The following CEP170B variants were observed in gnomAD, a reference collection of about 807,000 sequenced individuals.
The protein encoded by CEP170B is centrosomal protein 170B.
CEP170B carries 55 observed loss-of-function variants against 120.6 expected under a neutral mutation model. That is an observed-to-expected ratio of 0.46 (90% CI 0.37 to 0.57). The LOEUF (loss-of-function observed/expected upper bound fraction) is 0.57, where lower values mean the gene tolerates loss of function less well. Among genes scored for constraint, CEP170B ranks in the 20% least tolerant of loss-of-function variants. The pLI, the probability that CEP170B is intolerant of heterozygous loss-of-function variation, is 0.00. For synonymous variants in CEP170B, 1,033 were observed against 954.5 expected, an observed-to-expected ratio of 1.08 and a Z score of -1.52; for missense variants, 2,212 against 2,253.3, an observed-to-expected ratio of 0.98 and a Z score of 0.37.
In CEP170B at chr14:104,895,023, C is replaced by A. The variant is rs560292692; in HGVS notation, c.*65C>A. On this transcript the variant is annotated 3_prime_UTR_variant, in exon 19 of 19. Transcript: ENST00000414716. The stretch of plus-strand genomic sequence containing the variant: ...GTCTCTGCCTTCCGTCCGCCGCACA[C>A]CCGCCTGCCTGGCCGCAGGTGGTTC... 10 of 1,449,588 alleles carry A rather than the reference C, an allele frequency of 6.9e-6. No individual in the cohort carries two copies. In the South Asian group the frequency reaches 1.3e-4, roughly 19 times the overall value. The allele number at this position is 1,449,588 out of a possible 1,614,324, so 89.8% of individuals were successfully genotyped here.
At chr14:104,866,995 GC>G (rs1257962691) in intron 1 of CEP170B, among the ~76,000 whole-genome samples, 1 of 152,188 alleles carries the variant, frequency 6.6e-6, no homozygotes, top group Non-Finnish European at 1.5e-5. Flanking sequence ...GAGCTCTGGG[GC>G]CGGCCTCACA....
In CEP170B at chr14:104,876,331, G is replaced by A. The variant is rs979506263; in HGVS notation, c.181G>A (p.Gly61Ser). ...DRDEHWVKDL[G>S]SLNGTFVNDM... ...GGACGAGCACTGGGTGAAGGACCTG[G>A]GCAGCCTCAATGGGGTAAGTGTGAG... Residue 61 changes from glycine to serine, a missense_variant, in exon 3 of 19, where the codon GGC (glycine) becomes AGC (serine). Coordinates refer to ENST00000414716, the MANE Select transcript of CEP170B (RefSeq NM_001112726.3). 6.4e-7 allele frequency: 1 copy of A among 1,550,854 alleles called. No individual in the cohort carries two copies. Among genetic ancestry groups the A allele is most frequent in the Non-Finnish European group, 8.7e-7 (1 of 1,146,814 alleles).
In CEP170B at chr14:104,894,766, G is replaced by T. The variant is rs1374151072; in HGVS notation, c.4473G>T (p.Arg1491Ser). 1.2e-6 allele frequency: 2 copies of T among 1,602,972 alleles called. No individual in the cohort carries two copies. Among genetic ancestry groups the T allele is most frequent in the African/African-American group, 2.7e-5 (2 of 74,806 alleles). ...GCCTGGACCTGCTCACAGGAAACAG[G>T]AGCTTGGCCAGCTCTGCACAGCCGG... ...SGSLDLLTGNRSLASSAQPGL... is the reference protein window; with the variant it reads ...SGSLDLLTGNSSLASSAQPGL... Residue 1491 changes from arginine (R) to serine (S), a missense_variant, in exon 19 of 19, where the codon AGG becomes AGT. Arg to Ser is a moderately radical substitution (Grantham distance 110). Coordinates refer to ENST00000414716, the MANE Select transcript of CEP170B (RefSeq NM_001112726.3).
At chr14:104,873,390 G>A (rs1024565423) in intron 2 of CEP170B, among the ~76,000 whole-genome samples, 6 of 152,058 alleles carry the variant, frequency 3.9e-5, no homozygotes, top group Non-Finnish European at 8.8e-5. Flanking sequence ...CCCAGAGCTG[G>A]CAGAGTCATC....
rs568048526 is a variant in CEP170B at position 104,885,533 on chromosome 14, G to A, written c.1935G>A (p.Ala645=). ...GGCCACTGGGTGCGGCCCCCCAGGC[G>A]GAGCACCAGGTACAGGCACAGACGG... ...ASRPLGAAPQ[A]EHQGLPVPGS... is the part of the protein sequence containing the mutation. Residue 645 remains alanine (A), a synonymous_variant, in exon 10 of 19, where the codon GCG becomes GCA. Transcript: ENST00000414716. 301 of 1,562,384 alleles carry A rather than the reference G, an allele frequency of 1.9e-4. 1 individual carries two copies. The highest frequency in any genetic ancestry group is 2.3e-4 in the Non-Finnish European group (272 of 1,158,522).
rs1351214130 is a variant in CEP170B, at chr14:104,865,801, C to T, written c.-28+288C>T. Among the ~76,000 whole-genome samples, 2 of 152,136 alleles carry T rather than the reference C, an allele frequency of 1.3e-5. No individual in the cohort carries two copies. Among genetic ancestry groups the T allele is most frequent in the African/African-American group, 4.8e-5 (2 of 41,462 alleles). On this transcript the variant is annotated intron_variant, in intron 1 of 18. Transcript: ENST00000414716. This position sits in a 1 kb window ranked among gnomAD's most constrained non-coding sequence, Gnocchi z 6.7. ...GGCACCGGCTCGGCCATGGCCGCCCCCGGAGAGCGCTGATTCAGAAGGCGC... is the reference window on the plus strand; with the variant it reads ...GGCACCGGCTCGGCCATGGCCGCCCTCGGAGAGCGCTGATTCAGAAGGCGC...
chr14:104,886,529 G>A lies in CEP170B; in HGVS notation c.2290G>A (p.Glu764Lys). The change falls in exon 12 of 19, where the codon GAG becomes AAG. Residue 764 changes from glutamate (E) to lysine (K), a missense_variant. Glu to Lys is a moderately conservative substitution (Grantham distance 56). Transcript: ENST00000414716. Reference sequence around the variant, plus strand: ...GGGCCGAGGCCCCGAGCCAGGGGTGGAGCCACAGGACAGCAGACGCAGGAG... The same window carrying A: ...GGGCCGAGGCCCCGAGCCAGGGGTGAAGCCACAGGACAGCAGACGCAGGAG... ...DGGRGPEPGVEPQDSRRRSPQ... is the reference protein window; with the variant it reads ...DGGRGPEPGVKPQDSRRRSPQ... The A allele has an allele frequency of 1.3e-6, 2 of 1,515,814 alleles. No individual in the cohort carries two copies. Among genetic ancestry groups the A allele is most frequent in the East Asian group, 2.3e-5 (1 of 43,002 alleles). The allele number at this position is 1,515,814 out of a possible 1,614,324, so 93.9% of individuals were successfully genotyped here.
chr14:104,892,861 G>T, intron 13 of CEP170B, 115 bp from the exon 14 acceptor site: 1 of 1,173,838 alleles, frequency 8.5e-7, no homozygotes, highest in Non-Finnish European at 1.2e-6. Flanking sequence ...CCTCCCCCAG[G>T]CCCCACCTCT....
Position 104,868,294 on chromosome 14 carries a change from C to T in CEP170B, c.-27-130C>T. On this transcript the variant is annotated intron_variant, in intron 1 of 18. Transcript: ENST00000414716. The surrounding 1 kb of genome is among the most constrained non-coding windows in gnomAD (Gnocchi z 5.9). Reference sequence around the variant, plus strand: ...AGGGAGGGCGGGTGGCCTGATGAGGCTGGAGCCCAGCTTCTCCGGAAGCTG... The same window carrying T: ...AGGGAGGGCGGGTGGCCTGATGAGGTTGGAGCCCAGCTTCTCCGGAAGCTG... 1 of 664,926 alleles carries T rather than the reference C, an allele frequency of 1.5e-6. No individual in the cohort carries two copies. The highest frequency in any genetic ancestry group is 2.5e-6 in the Non-Finnish European group (1 of 395,568). 41.2% of individuals were successfully genotyped at this position (664,926 alleles called of 1,614,324 possible). A position where few individuals can be genotyped will look rare whatever the true frequency, so the allele number is the denominator to read the frequency against.
At chr14:104,892,433 C>T (rs1896889269) in intron 13 of CEP170B, among the ~76,000 whole-genome samples, 1 of 152,160 alleles carries the variant, frequency 6.6e-6, no homozygotes, top group African/African-American at 2.4e-5. Context: ...GGTCCCCTCC[C>T]TCTCTGGATC....
In CEP170B at chr14:104,891,866, TTTGTC is replaced by T. The variant is rs759300697; in HGVS notation, c.3879-1106_3879-1102del. Among the ~76,000 whole-genome samples, 5 of 151,952 alleles carry T rather than the reference TTTGTC, an allele frequency of 3.3e-5. No individual in the cohort carries two copies. Among genetic ancestry groups the T allele is most frequent in the Non-Finnish European group, 5.9e-5 (4 of 67,962 alleles). On this transcript the variant is annotated intron_variant, in intron 13 of 18. Coordinates refer to ENST00000414716, the MANE Select transcript of CEP170B (RefSeq NM_001112726.3). This position sits in a 1 kb window ranked among gnomAD's most constrained non-coding sequence, Gnocchi z 4.3. Reference sequence around the variant, plus strand: ...AGAGGTGGAGGGAGGGCTTCCATGTTTTGTCTTGATGTGGAATGGTGGACCCAGCT... The same window carrying T: ...AGAGGTGGAGGGAGGGCTTCCATGTTTTGATGTGGAATGGTGGACCCAGCT...
chr14:104,865,194 C>T (rs1380518985), upstream of CEP170B: 41 of 86,276 alleles, frequency 4.8e-4, no homozygotes, highest in African/African-American at 1.7e-3. The surrounding 1 kb of genome is among the most constrained non-coding windows in gnomAD (Gnocchi z 6.7). Context: ...GGGTGCGGCG[C>T]GGCCGGGCGG....
rs1434067499 is a variant in CEP170B, at chr14:104,868,509, G to A, written c.59G>A (p.Arg20Gln). The change falls in exon 2 of 19, where the codon CGG becomes CAG. Residue 20 changes from arginine (R) to glutamine (Q), a missense_variant. This residue lies in a region of CEP170B where 46 missense variants were observed against 86.6 expected (regional missense o/e 0.53). Coordinates refer to ENST00000414716, the MANE Select transcript of CEP170B (RefSeq NM_001112726.3). This position sits in a 1 kb window ranked among gnomAD's most constrained non-coding sequence, Gnocchi z 5.9. ...SSSGARHRLP[R>Q]ELIFVGREEC... ...AGCGGCGCCCGCCACCGGCTCCCTC[G>A]GGAGCTCATCTTCGTGGGGCGTGAG... is the stretch of plus-strand genomic sequence containing the variant. 9.0e-6 allele frequency: 14 copies of A among 1,549,632 alleles called. No individual in the cohort carries two copies. Among genetic ancestry groups the A allele is most frequent in the Admixed American group, 2.0e-5 (1 of 50,992 alleles).
Position 104,892,634 on chromosome 14 carries a change from C to T in CEP170B, c.3879-342C>T, listed in dbSNP as rs568282086. 1.4e-3 allele frequency among the ~76,000 whole-genome samples: 212 copies of T among 152,362 alleles called. 1 individual carries two copies. The highest frequency in any genetic ancestry group is 4.9e-3 in the African/African-American group (203 of 41,598). ...AGTCCCATCCATCCCATTTGGGCCC[C>T]GCAGCTGTGATGCTGGCCCTGGGGG... On this transcript the variant is annotated intron_variant, in intron 13 of 18. Coordinates refer to ENST00000414716, the MANE Select transcript of CEP170B (RefSeq NM_001112726.3).
intron 6 of CEP170B, among the ~76,000 whole-genome samples, chr14:104,881,122 G>T (rs1475478531): frequency 1.3e-5 from 2 of 152,212 alleles, no homozygotes; most frequent in Non-Finnish European, 2.9e-5. Context: ...GGGCTCAGGG[G>T]TTGGTGGTTT....
rs1488166183 is a variant in CEP170B at position 104,891,341 on chromosome 14, G to T, written c.3878+1583G>T. On this transcript the variant is annotated intron_variant, in intron 13 of 18. Transcript: ENST00000414716. The surrounding 1 kb of genome is among the most constrained non-coding windows in gnomAD (Gnocchi z 4.3). ...AAAGGCTGTGGGGCAGGCAGGGGGG[G>T]TCCCAGGACCAGGGTGGATGGCAAG... is the stretch of plus-strand genomic sequence containing the variant. 6.6e-6 allele frequency among the ~76,000 whole-genome samples: 1 copy of T among 152,058 alleles called. No individual in the cohort carries two copies. Among genetic ancestry groups the T allele is most frequent in the Admixed American group, 6.5e-5 (1 of 15,270 alleles).
chr14:104,873,182 CG>C, intron 2 of CEP170B, among the ~76,000 whole-genome samples: 1 of 147,416 alleles, frequency 6.8e-6, no homozygotes, highest in South Asian at 2.2e-4. Flanking sequence ...AAGCCCTGGC[CG>C]GGGGTGGAGG....
At position 104,893,941 on chromosome 14, in the gene CEP170B, G is replaced by A. The variant is rs2582535; in HGVS notation, c.4271+92G>A. Reference sequence around the variant, plus strand: ...CCTGGCTGAATCCCTCAAGGGCAGCGGTTTCATGGGTACTCGTGTGCACCT... The same window carrying A: ...CCTGGCTGAATCCCTCAAGGGCAGCAGTTTCATGGGTACTCGTGTGCACCT... On this transcript the variant is annotated intron_variant, in intron 16 of 18. Transcript: ENST00000414716. 4.7e-4 allele frequency: 542 copies of A among 1,163,254 alleles called. 2 individuals carry two copies. In the African/African-American group the frequency reaches 7.2e-3, roughly 16 times the overall value. 72.1% of individuals were successfully genotyped at this position (1,163,254 alleles called of 1,614,324 possible).
chr14:104,877,543 G>T (rs1313769715), intron 3 of CEP170B, among the ~76,000 whole-genome samples: 1 of 152,242 alleles, frequency 6.6e-6, no homozygotes, highest in African/African-American at 2.4e-5. Context: ...GCCAAGGTGG[G>T]GGCTGGGGCC....
Sources: allele counts gnomAD v4.1 joint callset (sites outside exome capture counted in the v4.1 genomes callset), GRCh38; gene constraint gnomAD v4.1.1; regional missense constraint gnomAD v4.1.1; non-coding constraint Gnocchi (gnomAD v3.1); transcripts MANE v1.5; gene names NCBI Gene and HGNC (gene_info 2026-07-23, HGNC 2026-07-21).